The following DSE variants were observed in gnomAD, a reference collection of about 807,000 sequenced individuals.
DSE encodes the protein dermatan-sulfate epimerase.
DSE carries 36 observed loss-of-function variants against 84.4 expected under a neutral mutation model. The observed-to-expected ratio is 0.43, with a 90% CI of 0.33 to 0.56. The LOEUF (loss-of-function observed/expected upper bound fraction) is 0.56. Among genes scored for constraint, DSE ranks in the 20% least tolerant of loss-of-function variants. The pLI is 0.06. For missense variants in DSE, 862 were observed against 1,169.6 expected, an observed-to-expected ratio of 0.74 and a Z score of 3.84; for synonymous variants, 410 against 430.1, an observed-to-expected ratio of 0.95 and a Z score of 0.58.
At chr6:116,351,540 C>G (rs533459360) in intron 2 of DSE, among the ~76,000 whole-genome samples, 1 of 152,054 alleles carries the variant, frequency 6.6e-6, no homozygotes, top group East Asian at 1.9e-4. Context: ...CTATTCCACT[C>G]TATTATAGTG....
rs114613746 is a variant in DSE, at chr6:116,376,346, A to G, written c.-54+5225A>G. 4.2e-3 allele frequency among the ~76,000 whole-genome samples: 642 copies of G among 152,306 alleles called. 4 individuals carry two copies. The highest frequency in any genetic ancestry group is 0.015 in the African/African-American group (611 of 41,556). ...TGTGTTCCTTACTTCTGCCATGTGTAGGCAAGTTCCAGCCTGTTGAGGGTG... is the reference window on the plus strand; with the variant it reads ...TGTGTTCCTTACTTCTGCCATGTGTGGGCAAGTTCCAGCCTGTTGAGGGTG... On this transcript the variant is annotated intron_variant, in intron 1 of 5. Coordinates refer to ENST00000644252, the MANE Select transcript of DSE (RefSeq NM_013352.4).
rs145902590 is a variant in DSE at position 116,373,960 on chromosome 6, A to C, written c.-54+2839A>C. 8.1e-3 allele frequency among the ~76,000 whole-genome samples: 1,232 copies of C among 152,360 alleles called. 22 individuals carry two copies. The highest frequency in any genetic ancestry group is 0.028 in the African/African-American group (1,177 of 41,578). Reference sequence around the variant, plus strand: ...AATAATTGTAGAGAAAAAAAGAAAAAATATTTAAATTTGAGTTTTAGTATA... The same window carrying C: ...AATAATTGTAGAGAAAAAAAGAAAACATATTTAAATTTGAGTTTTAGTATA... On this transcript the variant is annotated intron_variant, in intron 1 of 5. Coordinates refer to ENST00000644252, the MANE Select transcript of DSE (RefSeq NM_013352.4).
chr6:116,381,964 T>G (rs1316295952), intron 1 of DSE, among the ~76,000 whole-genome samples: 1 of 152,024 alleles, frequency 6.6e-6, no homozygotes, highest in African/African-American at 2.4e-5. Context: ...TTCTGGTGGC[T>G]TCTACCAATC....
In DSE at chr6:116,435,913, A is replaced by G; in HGVS notation, c.1445A>G (p.Asn482Ser). ...LYGPKYTFFN[N>S]VLMFSPAVSK... ...GGGCCAAAGTACACCTTCTTCAACA[A>G]TGTTTTGATGTTTTCCCCAGCTGTG... is the stretch of plus-strand genomic sequence containing the variant. Residue 482 changes from asparagine (N) to serine (S), a missense_variant, in exon 6 of 6, where the codon AAT (asparagine) becomes AGT (serine). By Grantham distance (46) the Asn-to-Ser change is conservative. Around this residue, in one of 4 missense-constraint regions of DSE, gnomAD observed 186 missense variants for 255.1 expected, o/e 0.73. Coordinates refer to ENST00000644252, the MANE Select transcript of DSE (RefSeq NM_013352.4). 3.7e-6 allele frequency: 6 copies of G among 1,613,994 alleles called. No homozygotes were observed. In the South Asian group the frequency reaches 4.4e-5, roughly 12 times the overall value.
rs148040280 is a variant in DSE at position 116,306,218 on chromosome 6, C to A, written c.-54+47251C>A. ...TCTTTGTACTATTCTTGCAACCTTT[C>A]TATAAGTTTAAAATTATTTCAACAT... On this transcript the variant is annotated intron_variant, in intron 2 of 3. Transcript: ENST00000430252. Among the ~76,000 whole-genome samples, 16 of 152,292 alleles carry A rather than the reference C, an allele frequency of 1.1e-4. No individual in the cohort carries two copies. The East Asian group carries it at 3.1e-3, about 29-fold the overall frequency.
intron 1 of DSE, 37 bp downstream of exon 1, chr6:116,371,158 C>G (rs1779529018): frequency 1.0e-6 from 1 of 985,590 alleles, no homozygotes; most frequent in South Asian, 4.7e-5. Context: ...AGCTGGGGCG[C>G]GCGGCGCAAC....
At chr6:116,376,269 G>A (rs1779922461) in intron 1 of DSE, among the ~76,000 whole-genome samples, 1 of 152,182 alleles carries the variant, frequency 6.6e-6, no homozygotes, top group South Asian at 2.1e-4. Flanking sequence ...AAAGCCCTGG[G>A]CCGATTGCTC....
chr6:116,363,606 A>G (rs1779020370), intron 2 of DSE, among the ~76,000 whole-genome samples: 1 of 152,204 alleles, frequency 6.6e-6, no homozygotes, highest in South Asian at 2.1e-4. Flanking sequence ...AAGATGGGTG[A>G]AAGTTTATTA....
intron 2 of DSE, chr6:116,279,701 G>T (rs1773381533): frequency 3.1e-6 from 5 of 1,610,848 alleles, no homozygotes; most frequent in Non-Finnish European, 4.2e-6. Flanking sequence ...GCCATCACCT[G>T]TGTCGCCTCG....
chr6:116,356,215 G>C (rs113013762), intron 2 of DSE, among the ~76,000 whole-genome samples: 1 of 152,250 alleles, frequency 6.6e-6, no homozygotes, highest in East Asian at 1.9e-4. Context: ...CAGTAATTTT[G>C]GTAAATAGTT....
chr6:116,402,890 C>T (rs1781683365), intron 2 of DSE, among the ~76,000 whole-genome samples: 1 of 152,050 alleles, frequency 6.6e-6, no homozygotes, highest in African/African-American at 2.4e-5. Flanking sequence ...TACATGCATA[C>T]AAATTTATTA....
At chr6:116,260,645 GA>G (rs1266538981) in intron 2 of DSE, among the ~76,000 whole-genome samples, 1 of 152,086 alleles carries the variant, frequency 6.6e-6, no homozygotes, top group African/African-American at 2.4e-5. Flanking sequence ...AATTCATCTT[GA>G]TTTAATTTTT....
At chr6:116,365,320 A>G (rs922199298) in intron 2 of DSE, among the ~76,000 whole-genome samples, 3 of 151,500 alleles carry the variant, frequency 2.0e-5, no homozygotes, top group Non-Finnish European at 4.4e-5. Flanking sequence ...CAGTGGTGCA[A>G]TCGGCTCACT....
intron 2 of DSE, among the ~76,000 whole-genome samples, chr6:116,348,450 A>C (rs926312188): frequency 1.3e-5 from 2 of 151,828 alleles, no homozygotes; most frequent in Non-Finnish European, 2.9e-5. Context: ...AAAAACAAAA[A>C]AAAAACCCCA....
chr6:116,289,709 T>C (rs1187121088), intron 2 of DSE, among the ~76,000 whole-genome samples: 1 of 152,036 alleles, frequency 6.6e-6, no homozygotes, highest in Non-Finnish European at 1.5e-5. Context: ...ATTTACTACT[T>C]TCCACATACA....
chr6:116,357,105 A>G (rs373297730), intron 2 of DSE, among the ~76,000 whole-genome samples: 6 of 152,096 alleles, frequency 3.9e-5, no homozygotes, highest in Admixed American at 3.9e-4. Context: ...TATTTCTCCC[A>G]CCCGCATGTT....
At chr6:116,374,814 A>G (rs1018362271) in intron 1 of DSE, among the ~76,000 whole-genome samples, 22 of 152,118 alleles carry the variant, frequency 1.4e-4, no homozygotes, top group African/African-American at 5.3e-4. Context: ...TAATCCATGA[A>G]TGGATTAATC....
intron 2 of DSE, among the ~76,000 whole-genome samples, chr6:116,364,828 C>CT (rs1211909933): frequency 0.029 from 3,754 of 131,120 alleles, 177 homozygotes; most frequent in African/African-American, 0.078. Flanking sequence ...TTTAGTAACA[C>CT]TTTTTTTTTT....
chr6:116,367,878 G>C (rs1779252206), upstream of DSE, among the ~76,000 whole-genome samples: 1 of 152,144 alleles, frequency 6.6e-6, no homozygotes, highest in African/African-American at 2.4e-5. Flanking sequence ...CTAAAAAACT[G>C]GAGGTGGACA....
Sources: gnomAD v4.1 joint callset for allele counts (sites outside exome capture counted in the v4.1 genomes callset) on GRCh38, gnomAD v4.1.1 for gene constraint, gnomAD v4.1.1 regional missense constraint, MANE v1.5 for transcripts, NCBI Gene and HGNC (gene_info 2026-07-23, HGNC 2026-07-21) for gene names.